The following RALGAPA1 variants were observed in gnomAD, a reference collection of about 807,000 sequenced individuals.
The protein encoded by RALGAPA1 is ral GTPase-activating protein subunit alpha-1.
In RALGAPA1, 52 loss-of-function variants were observed where a neutral mutation model predicts 269.6. The observed-to-expected ratio is 0.19, with a 90% CI of 0.15 to 0.24. RALGAPA1 has a LOEUF of 0.24. Among genes scored for constraint, RALGAPA1 ranks in the 10% least tolerant of loss-of-function variants. RALGAPA1 has a pLI of 1.00. For missense variants in RALGAPA1, 1,917 were observed against 3,013.9 expected (o/e 0.64, Z 8.52); for synonymous variants, 817 against 1,008.3 (o/e 0.81, Z 3.60).
At chr14:35,733,941 GCAAATAAA>G (rs1056480865) in intron 12 of RALGAPA1, among the ~76,000 whole-genome samples, 4 of 149,790 alleles carry the variant, frequency 2.7e-5, no homozygotes, top group South Asian at 2.1e-4. Flanking sequence ...TATTATAGCT[GCAAATAAA>G]CAAATAAATA....
chr14:35,770,385 G>A (rs2074523715), intron 4 of RALGAPA1, among the ~76,000 whole-genome samples: 2 of 151,778 alleles, frequency 1.3e-5, no homozygotes, highest in Admixed American at 6.6e-5. Context: ...GCTCTTTCTT[G>A]CCACTTTTAT....
intron 27 of RALGAPA1, among the ~76,000 whole-genome samples, chr14:35,660,437 A>T (rs2063465203): frequency 6.6e-6 from 1 of 152,130 alleles, no homozygotes; most frequent in Admixed American, 6.5e-5. Context: ...ACTTAGGAAT[A>T]CGTATAACAA....
rs1041364509 is a variant in RALGAPA1 at position 35,772,885 on chromosome 14, C to G, written c.268-1886G>C. 3.2e-4 allele frequency among the ~76,000 whole-genome samples: 49 copies of G among 152,004 alleles called. 1 individual carries two copies. Among genetic ancestry groups the G allele is most frequent in the Admixed American group, 1.3e-4 (2 of 15,230 alleles). ...CATATTTTATATTTCCTTGTCTTCT[C>G]GTTGATATCATCTTCTTTAGTAAAC... On this transcript the variant is annotated intron_variant, in intron 3 of 41. Coordinates refer to ENST00000680220, the MANE Select transcript of RALGAPA1 (RefSeq NM_001346249.2).
chr14:35,641,760 T>G (rs952173424), intron 31 of RALGAPA1, among the ~76,000 whole-genome samples: 1 of 152,178 alleles, frequency 6.6e-6, no homozygotes, highest in African/African-American at 2.4e-5. Context: ...CTAAAATTTA[T>G]ATGCAACAAT....
intron 35 of RALGAPA1, among the ~76,000 whole-genome samples, chr14:35,610,134 C>T (rs531837467): frequency 6.6e-6 from 1 of 151,604 alleles, no homozygotes; most frequent in South Asian, 2.1e-4. Flanking sequence ...TAAAAAAAGA[C>T]TCAAAATGAC....
intron 37 of RALGAPA1, among the ~76,000 whole-genome samples, chr14:35,574,045 T>C (rs1429968670): frequency 6.6e-6 from 1 of 152,214 alleles, no homozygotes; most frequent in African/African-American, 2.4e-5. Flanking sequence ...CTCCAGGCTA[T>C]ACTGAGATTT....
chr14:35,652,910 T>C (rs561225306), intron 30 of RALGAPA1, among the ~76,000 whole-genome samples: 2 of 152,346 alleles, frequency 1.3e-5, no homozygotes, highest in East Asian at 3.9e-4. Context: ...ATATTTATTG[T>C]ATTTTTATTT....
intron 31 of RALGAPA1, among the ~76,000 whole-genome samples, chr14:35,644,740 C>T (rs1201749358): frequency 1.3e-5 from 2 of 151,854 alleles, no homozygotes; most frequent in Admixed American, 6.6e-5. Context: ...TTGGATTAGA[C>T]GTGGAGGTGT....
intron 1 of RALGAPA1, among the ~76,000 whole-genome samples, chr14:35,782,105 T>C (rs2075474681): frequency 6.6e-6 from 1 of 152,166 alleles, no homozygotes; most frequent in African/African-American, 2.4e-5. Flanking sequence ...AAATCCTATC[T>C]GACTGACAAA....
chr14:35,570,590 G>A (rs1377949802), intron 39 of RALGAPA1, 27 bp downstream of exon 39: 1 of 1,574,162 alleles, frequency 6.4e-7, no homozygotes, highest in East Asian at 2.3e-5. Context: ...CGTTAGAGTA[G>A]AAACCATTAC....
chr14:35,576,880 A>T (rs2139547697), intron 37 of RALGAPA1, among the ~76,000 whole-genome samples: 1 of 152,338 alleles, frequency 6.6e-6, no homozygotes. Flanking sequence ...TTAAATAATT[A>T]ATTTATGTGC....
intron 37 of RALGAPA1, among the ~76,000 whole-genome samples, chr14:35,575,983 G>T (rs1454260143): frequency 6.6e-6 from 1 of 152,176 alleles, no homozygotes; most frequent in Non-Finnish European, 1.5e-5. Context: ...TCCAAAATGA[G>T]CCTTACCAAA....
intron 31 of RALGAPA1, among the ~76,000 whole-genome samples, chr14:35,651,575 C>G (rs1749809375): frequency 6.6e-6 from 1 of 152,078 alleles, no homozygotes; most frequent in Non-Finnish European, 1.5e-5. Context: ...ACAGAATGTC[C>G]TCTAAGGTTC....
At position 35,751,047 on chromosome 14, in the gene RALGAPA1, T is replaced by C. The variant is rs561722431; in HGVS notation, c.803-357A>G. ...TGAAGTCATACAAAATATGAGGTTT[T>C]ACCTGAGCCTGTTAGTTGCCTAAAC... On this transcript the variant is annotated intron_variant, in intron 8 of 41. Coordinates refer to ENST00000680220, the MANE Select transcript of RALGAPA1 (RefSeq NM_001346249.2). Among the ~76,000 whole-genome samples the C allele has an allele frequency of 2.6e-5, 4 of 152,348 alleles. No individual in the cohort carries two copies. The South Asian group carries it at 8.3e-4, about 32-fold the overall frequency.
chr14:35,619,510 G>A (rs1016060606), intron 35 of RALGAPA1, among the ~76,000 whole-genome samples: 3 of 152,272 alleles, frequency 2.0e-5, no homozygotes, highest in East Asian at 1.9e-4. Context: ...GAGCAGAACT[G>A]AAAGAGATAA....
At chr14:35,806,421 C>G (rs1449514355) in intron 1 of RALGAPA1, among the ~76,000 whole-genome samples, 1 of 151,872 alleles carries the variant, frequency 6.6e-6, no homozygotes, top group Admixed American at 6.6e-5. Context: ...TTAAGAAAAC[C>G]CTGACTTCTA....
chr14:35,713,338 G>A (rs986245117), intron 16 of RALGAPA1, among the ~76,000 whole-genome samples: 5 of 152,170 alleles, frequency 3.3e-5, no homozygotes, highest in African/African-American at 1.2e-4. Flanking sequence ...AGAGAGAAGA[G>A]TTGAAGCTAA....
At chr14:35,723,922 C>G (rs1428804498) in intron 14 of RALGAPA1, 2 of 151,994 alleles carry the variant, frequency 1.3e-5, no homozygotes, top group Admixed American at 6.6e-5. Context: ...AGAAACAAGT[C>G]ATAAAATAAC....
At chr14:35,629,263 C>G (rs2061176014) in intron 33 of RALGAPA1, among the ~76,000 whole-genome samples, 2 of 145,268 alleles carry the variant, frequency 1.4e-5, no homozygotes, top group Admixed American at 7.1e-5. Flanking sequence ...ATTAGTCATT[C>G]ATGTTAGGAT....
Sources: allele counts gnomAD v4.1 joint callset (sites outside exome capture counted in the v4.1 genomes callset), GRCh38; gene constraint gnomAD v4.1.1; transcripts MANE v1.5; gene names NCBI Gene and HGNC (gene_info 2026-07-23, HGNC 2026-07-21).